Variants in EMX1 observed in about 807,000 individuals in gnomAD.
The protein encoded by EMX1 is homeobox protein EMX1.
In EMX1, 10 loss-of-function variants were observed where a neutral mutation model predicts 20.1. The observed-to-expected ratio is 0.50, with a 90% CI of 0.31 to 0.84. EMX1 has a LOEUF of 0.84. Among genes scored for constraint, EMX1 ranks in the 40% least tolerant of loss-of-function variants. The probability of loss-of-function intolerance (pLI) is 0.05; values close to 1 mark genes in which losing one functional copy is unlikely to be tolerated. For synonymous variants in EMX1, 250 were observed against 200.4 expected (o/e 1.25, Z -2.09); for missense variants, 424 against 431.9 (o/e 0.98, Z 0.16).
chr2:72,917,448 GC>G, upstream of EMX1: 1 of 197,100 alleles, frequency 5.1e-6, no homozygotes, highest in Non-Finnish European at 1.0e-5. Context: ...CCCTCGCCCC[GC>G]CCCGCCCCGC....
At position 72,930,053 on chromosome 2, in the gene EMX1, T is replaced by A. The variant is rs545408392; in HGVS notation, c.706-3734T>A. Among the ~76,000 whole-genome samples the A allele has an allele frequency of 6.6e-6, 1 of 152,338 alleles. No individual in the cohort carries two copies. Among genetic ancestry groups the A allele is most frequent in the Admixed American group, 6.5e-5 (1 of 15,306 alleles). On this transcript the variant is annotated intron_variant, in intron 2 of 2. Transcript: ENST00000258106. This position sits in a 1 kb window ranked among gnomAD's most constrained non-coding sequence, Gnocchi z 4.4. ...CTAAGAAAAAGATCCAGTTTCTCCA[T>A]CATTGAGCACTTCTCAAAGCCTTTG... is the stretch of plus-strand genomic sequence containing the variant.
intron 1 of EMX1, among the ~76,000 whole-genome samples, chr2:72,923,245 A>G (rs978386080): frequency 6.6e-6 from 1 of 152,142 alleles, no homozygotes; most frequent in African/African-American, 2.4e-5. Flanking sequence ...TTGCTAAGGG[A>G]CAGTCACACT....
Position 72,918,159 on chromosome 2 carries a change from G to A in EMX1, c.307G>A (p.Ala103Thr), listed in dbSNP as rs1671023053. The A allele has an allele frequency of 6.7e-7, 1 of 1,502,698 alleles. No individual in the cohort carries two copies. The highest frequency in any genetic ancestry group is 8.8e-7 in the Non-Finnish European group (1 of 1,139,992). 93.1% of individuals were successfully genotyped at this position (1,502,698 alleles called of 1,614,324 possible). ...CTTCGTGAGTGGCTTCCCTGCCGCG[G>A]CCGCCGCGGGCGCGGGCCGCTCGCT... ...AAFVSGFPAA[A>T]AAGAGRSLYG... The change falls in exon 1 of 3, where the codon GCC becomes ACC. Residue 103 changes from alanine (A) to threonine (T), a missense_variant. By Grantham distance (58) the Ala-to-Thr change is moderately conservative. Transcript: ENST00000258106.
At position 72,934,187 on chromosome 2, in the gene EMX1, G is replaced by GC. The variant is rs1671329374; in HGVS notation, c.*236dup. The stretch of plus-strand genomic sequence containing the variant: ...TCGGAGAGCCTGCCTGCCTGGGCGG[G>GC]CCCGCCCGCCACCGCAGCCTCCCAG... On this transcript the variant is annotated 3_prime_UTR_variant, in exon 3 of 3. Transcript: ENST00000258106. The GC allele has an allele frequency of 1.8e-6, 1 of 547,990 alleles. No individual in the cohort carries two copies. Among genetic ancestry groups the GC allele is most frequent in the African/African-American group, 1.9e-5 (1 of 52,130 alleles). 33.9% of individuals were successfully genotyped at this position (547,990 alleles called of 1,614,324 possible).
At chr2:72,923,731 G>A (rs966906655) in intron 1 of EMX1, 1 of 177,338 alleles carries the variant, frequency 5.6e-6, no homozygotes, top group Non-Finnish European at 1.2e-5. Context: ...GGTGTGAAGG[G>A]ATTGCTCCTT....
intron 2 of EMX1, among the ~76,000 whole-genome samples, chr2:72,931,975 C>T (rs1396211338): frequency 6.6e-6 from 1 of 152,238 alleles, no homozygotes; most frequent in Non-Finnish European, 1.5e-5. Flanking sequence ...AGGGGCAGCA[C>T]CTCCTGGGCA....
rs1670998116 is a variant in EMX1 at position 72,917,906 on chromosome 2, G to C, written c.54G>C (p.Ala18=). ...PRKAAAPGRG[A]LPRARLPRTA... is the part of the protein sequence containing the mutation. The stretch of plus-strand genomic sequence containing the variant: ...AGGCGGCGGCGCCAGGACGCGGAGC[G>C]CTCCCCAGAGCCCGGCTGCCTCGCA... The change falls in exon 1 of 3, where the codon GCG becomes GCC. Residue 18 remains alanine, a synonymous_variant. Coordinates refer to ENST00000258106, the MANE Select transcript of EMX1 (RefSeq NM_004097.3). 6.7e-7 allele frequency: 1 copy of C among 1,481,676 alleles called. No individual in the cohort carries two copies. The highest frequency in any genetic ancestry group is 1.5e-5 in the African/African-American group (1 of 68,480). 91.8% of individuals were successfully genotyped at this position (1,481,676 alleles called of 1,614,324 possible).
rs547732468 is a variant in EMX1 at position 72,923,947 on chromosome 2, T to A, written c.521-362T>A. On this transcript the variant is annotated intron_variant, in intron 1 of 2. Transcript: ENST00000258106. The stretch of plus-strand genomic sequence containing the variant: ...GGGAAAGGGCGGAGAAAGAGCGCCA[T>A]GGACTTTTCTTCCCCACCCCTTGGC... 1.9e-3 allele frequency: 690 copies of A among 371,544 alleles called. 6 individuals are homozygous for A. Among genetic ancestry groups the A allele is most frequent in the South Asian group, 0.015 (463 of 31,904 alleles). 23.0% of individuals were successfully genotyped at this position (371,544 alleles called of 1,614,324 possible).
intron 2 of EMX1, chr2:72,925,724 G>C (rs1019322631): frequency 2.0e-6 from 2 of 985,328 alleles, no homozygotes; most frequent in Non-Finnish European, 2.4e-6. Flanking sequence ...GGCTTAGTGA[G>C]GGAGCCCAGA....
At chr2:72,929,595 C>A (rs557203962) in intron 2 of EMX1, among the ~76,000 whole-genome samples, 1 of 152,206 alleles carries the variant, frequency 6.6e-6, no homozygotes, top group Non-Finnish European at 1.5e-5. Flanking sequence ...TATTTGAAAT[C>A]TTTGAAGACA....
Position 72,924,483 on chromosome 2 carries a change from C to A in EMX1, c.695C>A (p.Ser232Tyr). ...RKQLAGSLSL[S>Y]ETQVKVWFQN... ...CAGCTGGCCGGCAGTCTCAGCCTCT[C>A]CGAGACGCAGGTAATCACCCCCGGT... Residue 232 changes from serine (S) to tyrosine (Y), a missense_variant, in exon 2 of 3, where the codon TCC becomes TAC. Around this residue, in one of 2 missense-constraint regions of EMX1, gnomAD observed 91 missense variants for 135.2 expected, o/e 0.67. Coordinates refer to ENST00000258106, the MANE Select transcript of EMX1 (RefSeq NM_004097.3). The A allele has an allele frequency of 6.3e-7, 1 of 1,587,144 alleles. No individual in the cohort carries two copies. The highest frequency in any genetic ancestry group is 8.5e-7 in the Non-Finnish European group (1 of 1,170,886).
upstream of EMX1, chr2:72,916,842 G>T (rs1670972795): frequency 1.4e-6 from 1 of 717,098 alleles, no homozygotes; most frequent in Non-Finnish European, 2.6e-6. Flanking sequence ...CAAGCCGGTC[G>T]CGGCACCGTG....
chr2:72,923,197 C>T (rs758034556), intron 1 of EMX1, among the ~76,000 whole-genome samples: 10 of 152,130 alleles, frequency 6.6e-5, no homozygotes, highest in Admixed American at 5.2e-4. Flanking sequence ...ATCCCTTCCT[C>T]CTGCATGTGG....
At chr2:72,925,328 T>G (rs960803660) in intron 2 of EMX1, 1 of 1,109,372 alleles carries the variant, frequency 9.0e-7, no homozygotes, top group East Asian at 7.7e-5. Context: ...AGGGAAAAAA[T>G]TAAAGAATTA....
chr2:72,924,537 G>T lies in EMX1; in HGVS notation c.705+44G>T, dbSNP rs1420608117. The T allele has an allele frequency of 6.0e-6, 9 of 1,506,074 alleles. No homozygotes were observed. In the South Asian group the frequency reaches 1.2e-4, roughly 19 times the overall value. 93.3% of individuals were successfully genotyped at this position (1,506,074 alleles called of 1,614,324 possible). ...GGCCTGCCCTGCGCCCGGAGCCCGGGTGGAGGTGAGGGTGCGCGGGTGCAG... is the reference window on the plus strand; with the variant it reads ...GGCCTGCCCTGCGCCCGGAGCCCGGTTGGAGGTGAGGGTGCGCGGGTGCAG... On this transcript the variant is annotated intron_variant, in intron 2 of 2. Coordinates refer to ENST00000258106, the MANE Select transcript of EMX1 (RefSeq NM_004097.3).
chr2:72,928,530 A>AG (rs1671239081), intron 2 of EMX1, among the ~76,000 whole-genome samples: 1 of 152,094 alleles, frequency 6.6e-6, no homozygotes, highest in African/African-American at 2.4e-5. Context: ...AGTTAGTTTT[A>AG]GGGGGAGTGA....
rs1573901709 is a variant in EMX1, at chr2:72,933,837, G to C, written c.756G>C (p.Leu252=). 1 of 1,614,268 alleles carries C rather than the reference G, an allele frequency of 6.2e-7. No homozygotes were observed. Among genetic ancestry groups the C allele is most frequent in the Admixed American group, 1.7e-5 (1 of 60,032 alleles). The change falls in exon 3 of 3, where the codon CTG becomes CTC. Residue 252 remains leucine, a synonymous_variant. Coordinates refer to ENST00000258106, the MANE Select transcript of EMX1 (RefSeq NM_004097.3). ...GGACAAAGTACAAACGGCAGAAGCT[G>C]GAGGAGGAAGGGCCTGAGTCCGAGC... ...NRRTKYKRQK[L]EEEGPESEQK... is the part of the protein sequence containing the mutation.
intron 2 of EMX1, among the ~76,000 whole-genome samples, chr2:72,929,877 C>A (rs1348427098): frequency 6.6e-6 from 1 of 152,214 alleles, no homozygotes; most frequent in Non-Finnish European, 1.5e-5. Flanking sequence ...TCATCCATAG[C>A]AGTTTCACCT....
Position 72,934,188 on chromosome 2 carries a change from C to T in EMX1, c.*234C>T. ...CGGAGAGCCTGCCTGCCTGGGCGGGCCCGCCCGCCACCGCAGCCTCCCAGC... is the reference window on the plus strand; with the variant it reads ...CGGAGAGCCTGCCTGCCTGGGCGGGTCCGCCCGCCACCGCAGCCTCCCAGC... On this transcript the variant is annotated 3_prime_UTR_variant, in exon 3 of 3. Transcript: ENST00000258106. The T allele has an allele frequency of 1.8e-6, 1 of 551,386 alleles. No individual in the cohort carries two copies. Among genetic ancestry groups the T allele is most frequent in the Non-Finnish European group, 3.1e-6 (1 of 320,194 alleles). The allele number at this position is 551,386 out of a possible 1,614,324, so 34.2% of individuals were successfully genotyped here.
Sources: gnomAD v4.1 joint callset for allele counts (sites outside exome capture counted in the v4.1 genomes callset) on GRCh38, gnomAD v4.1.1 for gene constraint, gnomAD v4.1.1 regional missense constraint, Gnocchi (gnomAD v3.1) non-coding constraint, MANE v1.5 for transcripts, NCBI Gene and HGNC (gene_info 2026-07-23, HGNC 2026-07-21) for gene names.